Variants in MAST4 observed in about 807,000 individuals in gnomAD.
The protein encoded by MAST4 is microtubule associated serine/threonine kinase family member 4.
MAST4 carries 89 observed loss-of-function variants against 162.7 expected under a neutral mutation model. The observed-to-expected ratio is 0.55, with a 90% confidence interval of 0.46 to 0.65. The LOEUF (loss-of-function observed/expected upper bound fraction) is 0.65. Ranked by LOEUF, MAST4 falls within the 30% of genes least tolerant of loss-of-function variation. The pLI is 0.00. For missense variants in MAST4, 3,153 were observed against 3,374.0 expected (o/e 0.93, Z 1.62); for synonymous variants, 1,479 against 1,361.1 (o/e 1.09, Z -1.91).
intron 26 of MAST4, among the ~76,000 whole-genome samples, chr5:67,157,456 T>C (rs1424492792): frequency 6.6e-6 from 1 of 152,262 alleles, no homozygotes; most frequent in Non-Finnish European, 1.5e-5. Context: ...TGTTTTCTGA[T>C]GATAAGTATG....
chr5:66,983,145 G>T (rs144509882), intron 4 of MAST4, among the ~76,000 whole-genome samples: 231 of 152,280 alleles, frequency 1.5e-3, no homozygotes, highest in African/African-American at 5.4e-3. Flanking sequence ...CTTTTCTTGT[G>T]CTCATCATAC....
At chr5:66,889,883 G>C (rs555529489) in intron 3 of MAST4, among the ~76,000 whole-genome samples, 2 of 152,302 alleles carry the variant, frequency 1.3e-5, no homozygotes, top group African/African-American at 4.8e-5. Flanking sequence ...GTTTATGAAG[G>C]ATGCTTCCTG....
rs869182871 is a variant in MAST4, at chr5:66,673,525, TTTTTG to T, written c.363+76512_363+76516del. Among the ~76,000 whole-genome samples the T allele has an allele frequency of 1.0e-3, 126 of 120,720 alleles. 1 individual carries two copies. Among genetic ancestry groups the T allele is most frequent in the Middle Eastern group, 4.5e-3 (1 of 220 alleles). 79.2% of individuals were successfully genotyped at this position (120,720 alleles called of 152,430 possible). A position where few individuals can be genotyped will look rare whatever the true frequency, so the allele number is the denominator to read the frequency against. On this transcript the variant is annotated intron_variant, in intron 1 of 28. Transcript: ENST00000403625. ...TACGCTAGTTTTTTTTGTTTTTTGT[TTTTTG>T]TTTTTTTTTTTTTTGAGACAGAGTC...
chr5:66,777,944 A>G (rs1754679143), intron 2 of MAST4, among the ~76,000 whole-genome samples: 1 of 152,194 alleles, frequency 6.6e-6, no homozygotes, highest in African/African-American at 2.4e-5. Flanking sequence ...GCATTCATCA[A>G]TATCTGTCAT....
intron 1 of MAST4, among the ~76,000 whole-genome samples, chr5:66,647,224 C>T (rs1745901138): frequency 6.6e-6 from 1 of 152,090 alleles, no homozygotes; most frequent in African/African-American, 2.4e-5. Flanking sequence ...CTGATTGGGA[C>T]ATTATTTAAA....
intron 1 of MAST4, among the ~76,000 whole-genome samples, chr5:66,727,827 C>T (rs1249561201): frequency 6.6e-6 from 1 of 152,016 alleles, no homozygotes; most frequent in East Asian, 1.9e-4. Context: ...GTCCCTGGTC[C>T]AAAACTAGTG....
chr5:66,953,978 A>G (rs1442722874), intron 4 of MAST4, among the ~76,000 whole-genome samples: 1 of 152,172 alleles, frequency 6.6e-6, no homozygotes, highest in Non-Finnish European at 1.5e-5. Flanking sequence ...TAGAGAATGC[A>G]TAGAAGAGAT....
chr5:66,703,033 T>G (rs1452718477), intron 1 of MAST4, among the ~76,000 whole-genome samples: 2 of 152,164 alleles, frequency 1.3e-5, no homozygotes, highest in Non-Finnish European at 2.9e-5. Context: ...GGTGGACCTG[T>G]TAGGATTCAT....
chr5:67,082,058 C>T (rs1316162874), intron 5 of MAST4, among the ~76,000 whole-genome samples: 1 of 152,142 alleles, frequency 6.6e-6, no homozygotes, highest in Non-Finnish European at 1.5e-5. Flanking sequence ...GATATTGCTC[C>T]CCCACAAATT....
At chr5:66,649,950 C>G (rs1005739081) in intron 1 of MAST4, among the ~76,000 whole-genome samples, 6 of 151,990 alleles carry the variant, frequency 3.9e-5, no homozygotes, top group Admixed American at 3.3e-4. Flanking sequence ...CCATTGGCTT[C>G]TCACTTTCAG....
intron 1 of MAST4, among the ~76,000 whole-genome samples, chr5:66,631,081 A>G (rs1308974571): frequency 6.6e-6 from 1 of 151,740 alleles, no homozygotes; most frequent in African/African-American, 2.4e-5. Context: ...TTCTCTTTTA[A>G]TTTGTTGATT....
chr5:66,865,917 A>C (rs1017019078), intron 3 of MAST4, among the ~76,000 whole-genome samples: 1 of 152,040 alleles, frequency 6.6e-6, no homozygotes, highest in Admixed American at 6.5e-5. Flanking sequence ...TTTACCAAAA[A>C]TACGAAAATT....
At chr5:66,807,547 C>T (rs1000549998) in intron 3 of MAST4, among the ~76,000 whole-genome samples, 2 of 152,054 alleles carry the variant, frequency 1.3e-5, no homozygotes, top group African/African-American at 4.8e-5. Context: ...GGACTGTAGT[C>T]ACCCTGTTGT....
chr5:67,050,856 G>C (rs1581350506), intron 4 of MAST4, among the ~76,000 whole-genome samples: 2 of 152,200 alleles, frequency 1.3e-5, no homozygotes, highest in East Asian at 1.9e-4. Context: ...AACTGATAGA[G>C]GGTACTTTGT....
intron 3 of MAST4, among the ~76,000 whole-genome samples, chr5:66,815,947 A>G (rs897558110): frequency 1.3e-5 from 2 of 152,150 alleles, no homozygotes; most frequent in Admixed American, 6.6e-5. Context: ...CAAGGAGGAA[A>G]AGGAGGAGGA....
At chr5:66,619,259 G>T (rs17268879) in intron 1 of MAST4, among the ~76,000 whole-genome samples, 15,570 of 152,212 alleles carry the variant, frequency 0.1, 1,051 homozygotes, top group Middle Eastern at 0.16. Flanking sequence ...TCAGGGGCTT[G>T]CTGGGTACCA....
chr5:66,811,433 C>T (rs966531543), intron 3 of MAST4, among the ~76,000 whole-genome samples: 1 of 152,144 alleles, frequency 6.6e-6, no homozygotes, highest in African/African-American at 2.4e-5. Context: ...CACGTTAGAA[C>T]TTTAACTGAG....
chr5:66,618,623 A>C (rs1045516176), intron 1 of MAST4, among the ~76,000 whole-genome samples: 2 of 152,126 alleles, frequency 1.3e-5, no homozygotes, highest in Non-Finnish European at 2.9e-5. Flanking sequence ...GGAGACAGAC[A>C]CGCTGGTTTA....
intron 3 of MAST4, among the ~76,000 whole-genome samples, chr5:66,894,302 T>C (rs1175289954): frequency 6.6e-6 from 1 of 152,180 alleles, no homozygotes; most frequent in Non-Finnish European, 1.5e-5. Context: ...TTTTAAAAAC[T>C]CCCTGGGTGA....
Sources: allele counts gnomAD v4.1 joint callset (sites outside exome capture counted in the v4.1 genomes callset), GRCh38; gene constraint gnomAD v4.1.1; transcripts MANE v1.5; gene names NCBI Gene and HGNC (gene_info 2026-07-23, HGNC 2026-07-21).